SMARCA2: variants seen among roughly 807,000 people sequenced by gnomAD.
The protein encoded by SMARCA2 is SWI/SNF related BAF chromatin remodeling complex subunit ATPase 2.
In SMARCA2, 61 loss-of-function variants were observed where a neutral mutation model predicts 199.8. The observed-to-expected ratio is 0.31, with a 90% CI of 0.25 to 0.38. The LOEUF is 0.38. SMARCA2 is among the 10% of genes least tolerant of loss of function. SMARCA2 has a pLI of 1.00. For synonymous variants in SMARCA2, 935 were observed against 732.0 expected (o/e 1.28, Z -4.48); for missense variants, 1,344 against 2,012.2 (o/e 0.67, Z 6.35).
chr9:2,180,508 G>A (rs1188711285), intron 29 of SMARCA2, among the ~76,000 whole-genome samples: 1 of 152,160 alleles, frequency 6.6e-6, no homozygotes, highest in East Asian at 1.9e-4. Context: ...CAAGCTCCTA[G>A]AATCACCTTC....
At chr9:2,183,499 C>T (rs916623692) in intron 31 of SMARCA2, among the ~76,000 whole-genome samples, 4 of 152,204 alleles carry the variant, frequency 2.6e-5, no homozygotes, top group African/African-American at 9.6e-5. Flanking sequence ...GGCCTGATGC[C>T]TTCAGACCCA....
At chr9:2,192,578 A>G in intron 33 of SMARCA2, 126 bp from the exon 34 acceptor site, 1 of 756,034 alleles carries the variant, frequency 1.3e-6, no homozygotes. Flanking sequence ...CTCCCACGGA[A>G]AGAGATTTGG....
chr9:2,176,192 T>TTTTTGTTTTTTTTTTTTTTG (rs1290043415), intron 29 of SMARCA2, among the ~76,000 whole-genome samples: 16 of 150,396 alleles, frequency 1.1e-4, no homozygotes, highest in African/African-American at 3.7e-4. Flanking sequence ...GTTTTTTTTT[T>TTTTTGTTTTTTTTTTTTTTG]TTTTTTTTTT....
intron 1 of SMARCA2, among the ~76,000 whole-genome samples, chr9:2,018,756 T>C (rs550234769): frequency 6.6e-6 from 1 of 152,308 alleles, no homozygotes; most frequent in South Asian, 2.1e-4. Context: ...CTAATAATAA[T>C]TTAAAAAGCC....
rs1820350898 is a variant in SMARCA2 at position 2,056,293 on chromosome 9, A to G, written c.1174-379A>G. 6.6e-6 allele frequency among the ~76,000 whole-genome samples: 1 copy of G among 152,236 alleles called. No individual in the cohort carries two copies. Among genetic ancestry groups the G allele is most frequent in the Admixed American group, 6.5e-5 (1 of 15,284 alleles). On this transcript the variant is annotated intron_variant, in intron 6 of 33. Transcript: ENST00000349721. The surrounding 1 kb of genome is among the most constrained non-coding windows in gnomAD (Gnocchi z 4.0). ...CATTAAAATTAATCTTTAAACACAAAGAGAATGTTAACATGACACTTAAAA... is the reference window on the plus strand; with the variant it reads ...CATTAAAATTAATCTTTAAACACAAGGAGAATGTTAACATGACACTTAAAA...
Position 2,017,443 on chromosome 9 carries a change from C to G in SMARCA2, c.-37+2039C>G, listed in dbSNP as rs1266340424. The G allele has an allele frequency of 6.6e-6, 1 of 151,832 alleles. No individual in the cohort carries two copies. Among genetic ancestry groups the G allele is most frequent in the Non-Finnish European group, 1.5e-5 (1 of 68,028 alleles). The allele number at this position is 151,832 out of a possible 1,614,324, so 9.4% of individuals were successfully genotyped here. A position where few individuals can be genotyped will look rare whatever the true frequency, so the allele number is the denominator to read the frequency against. ...GCAGGAGCCAGTGCGTCGGGAGCAG[C>G]GGCTCGGGCAGCTGCTCCTGCCCGC... On this transcript the variant is annotated intron_variant, in intron 1 of 33. Transcript: ENST00000349721. This position sits in a 1 kb window ranked among gnomAD's most constrained non-coding sequence, Gnocchi z 8.8.
chr9:2,124,003 G>A lies in SMARCA2; in HGVS notation c.3981+66G>A. 1.8e-5 allele frequency: 24 copies of A among 1,310,046 alleles called. No homozygotes were observed. The South Asian group carries it at 2.8e-4, about 15-fold the overall frequency. The allele number at this position is 1,310,046 out of a possible 1,614,324, so 81.2% of individuals were successfully genotyped here. Reference sequence around the variant, plus strand: ...GTTTTTGGTGGCTTGGAGAAACCAGGGGCCTAGAGCTGGGATTTTCTGAGG... The same window carrying A: ...GTTTTTGGTGGCTTGGAGAAACCAGAGGCCTAGAGCTGGGATTTTCTGAGG... On this transcript the variant is annotated intron_variant, in intron 27 of 33. Coordinates refer to ENST00000349721, the MANE Select transcript of SMARCA2 (RefSeq NM_003070.5).
chr9:2,059,440 A>G (rs918948453), intron 8 of SMARCA2, among the ~76,000 whole-genome samples: 1 of 152,102 alleles, frequency 6.6e-6, no homozygotes, highest in African/African-American at 2.4e-5. Flanking sequence ...TACCAGGGAG[A>G]GAGGACTGTC....
At chr9:2,160,683 G>A (rs759595313) in intron 27 of SMARCA2, 2 of 688,586 alleles carry the variant, frequency 2.9e-6, no homozygotes, top group South Asian at 1.5e-5. Flanking sequence ...TTTGCATACT[G>A]GAGGCAATAT....
In SMARCA2 at chr9:2,119,167, G is replaced by A. The variant is rs910967674; in HGVS notation, c.3685-291G>A. Reference sequence around the variant, plus strand: ...ATATGACCAATGAGGTCACTGAAGCGAGGAGACATTAAGTAACTTGTTGTA... The same window carrying A: ...ATATGACCAATGAGGTCACTGAAGCAAGGAGACATTAAGTAACTTGTTGTA... On this transcript the variant is annotated intron_variant, in intron 25 of 33. Coordinates refer to ENST00000349721, the MANE Select transcript of SMARCA2 (RefSeq NM_003070.5). The surrounding 1 kb of genome is among the most constrained non-coding windows in gnomAD (Gnocchi z 4.6). 5.3e-5 allele frequency among the ~76,000 whole-genome samples: 8 copies of A among 152,174 alleles called. No homozygotes were observed. The highest frequency in any genetic ancestry group is 7.3e-5 in the Non-Finnish European group (5 of 68,036).
chr9:2,186,654 T>C (rs932599603), intron 32 of SMARCA2, among the ~76,000 whole-genome samples: 1 of 151,906 alleles, frequency 6.6e-6, no homozygotes, highest in Non-Finnish European at 1.5e-5. Context: ...GCCTCCCGAG[T>C]AGCTGGAATT....
rs113070757 is a variant in SMARCA2 at position 2,039,776 on chromosome 9, ACAGCAGCAGCAG to A, written c.696_707del (p.Gln235_Gln238del). On this transcript the variant is annotated inframe_deletion, in exon 4 of 34. Coordinates refer to ENST00000349721, the MANE Select transcript of SMARCA2 (RefSeq NM_003070.5). This position sits in a 1 kb window ranked among gnomAD's most constrained non-coding sequence, Gnocchi z 4.8. ...GCTTGCAGCAACAACAGCAGCAGCA[ACAGCAGCAGCAG>A]CAGCAGCAGCAGCAGCAGCAGCAGC... 1.9e-4 allele frequency: 306 copies of A among 1,596,340 alleles called. No homozygotes were observed. The highest frequency in any genetic ancestry group is 1.5e-3 in the Middle Eastern group (9 of 5,858).
At position 2,073,326 on chromosome 9, in the gene SMARCA2, C is replaced by T. The variant is rs1563749797; in HGVS notation, c.1861C>T (p.Leu621=). ...APKASQLDAW[L]EMNPGYEVAP... ...CAAAGCAAGTCAGCTGGACGCCTGG[C>T]TGGAAATGAATCCTGGGTAAGGCAT... The change falls in exon 11 of 34, where the codon CTG becomes TTG. Residue 621 remains leucine, a synonymous_variant. Transcript: ENST00000349721. 1 of 1,614,202 alleles carries T rather than the reference C, an allele frequency of 6.2e-7. No individual in the cohort carries two copies. Among genetic ancestry groups the T allele is most frequent in the Admixed American group, 1.7e-5 (1 of 60,018 alleles).
chr9:2,185,934 G>C (rs1374232399), intron 31 of SMARCA2, among the ~76,000 whole-genome samples, 162 bp from the exon 32 acceptor site: 1 of 152,154 alleles, frequency 6.6e-6, no homozygotes, highest in South Asian at 2.1e-4. Context: ...GTCTGTATTT[G>C]GGCTTGGCGT....
chr9:2,038,665 C>A lies in SMARCA2; in HGVS notation c.356-801C>A, dbSNP rs552410675. ...CACTGCAGCAGCTGGCTTGAAAATA[C>A]CCCCCCTTTACTGGCTGCCTTCCCT... On this transcript the variant is annotated intron_variant, in intron 3 of 33. Transcript: ENST00000349721. Among the ~76,000 whole-genome samples the A allele has an allele frequency of 6.8e-4, 104 of 152,050 alleles. 1 individual carries two copies. Among genetic ancestry groups the A allele is most frequent in the South Asian group, 3.3e-3 (16 of 4,810 alleles).
Position 2,169,693 on chromosome 9 carries a change from G to A in SMARCA2, c.4200-726G>A, listed in dbSNP as rs755291208. On this transcript the variant is annotated intron_variant, in intron 28 of 33. Coordinates refer to ENST00000349721, the MANE Select transcript of SMARCA2 (RefSeq NM_003070.5). This position sits in a 1 kb window ranked among gnomAD's most constrained non-coding sequence, Gnocchi z 6.5. ...GAGGGAGATCTAGAGGGTATGGAGG[G>A]TCTTCCCAGGATCTGTGAAACCTGG... Among the ~76,000 whole-genome samples the A allele has an allele frequency of 3.3e-5, 5 of 152,112 alleles. No individual in the cohort carries two copies. The highest frequency in any genetic ancestry group is 5.9e-5 in the Non-Finnish European group (4 of 68,024).
chr9:2,105,909 T>A (rs554742627), intron 23 of SMARCA2, among the ~76,000 whole-genome samples: 1 of 152,362 alleles, frequency 6.6e-6, no homozygotes, highest in South Asian at 2.1e-4. Flanking sequence ...TTTGGAATAT[T>A]TGCATCTCTC....
chr9:2,095,406 A>C (rs1417704488), intron 19 of SMARCA2, among the ~76,000 whole-genome samples: 1 of 152,134 alleles, frequency 6.6e-6, no homozygotes, highest in Admixed American at 6.5e-5. Context: ...ATTTTCATAA[A>C]AAAAAAAGGA....
rs749460548 is a variant in SMARCA2 at position 2,123,751 on chromosome 9, C to T, written c.3795C>T (p.Ala1265=). The T allele has an allele frequency of 7.4e-6, 12 of 1,614,048 alleles. 1 individual carries two copies. The highest frequency in any genetic ancestry group is 2.2e-5 in the East Asian group (1 of 44,878). ...RMDMDRRRED[A]RNPKRKPRLM... ...ACATGGACCGGCGGAGGGAAGATGC[C>T]CGGAACCCGAAACGGAAGCCCCGTT... The change falls in exon 27 of 34, where the codon GCC becomes GCT. Residue 1265 remains alanine, a synonymous_variant. Transcript: ENST00000349721. The surrounding 1 kb of genome is among the most constrained non-coding windows in gnomAD (Gnocchi z 4.1).
Sources: gnomAD v4.1 joint callset for allele counts (sites outside exome capture counted in the v4.1 genomes callset) on GRCh38, gnomAD v4.1.1 for gene constraint, Gnocchi (gnomAD v3.1) non-coding constraint, MANE v1.5 for transcripts, NCBI Gene and HGNC (gene_info 2026-07-23, HGNC 2026-07-21) for gene names.